CACNB2: variants seen among roughly 807,000 people sequenced by gnomAD.
The protein encoded by CACNB2 is voltage-dependent L-type calcium channel subunit beta-2.
CACNB2 carries 42 observed loss-of-function variants against 73.3 expected under a neutral mutation model. That is an observed-to-expected ratio of 0.57 (90% CI 0.45 to 0.74). The LOEUF is 0.74. Ranked by LOEUF, CACNB2 falls within the 30% of genes least tolerant of loss-of-function variation. The pLI, the probability that CACNB2 is intolerant of heterozygous loss-of-function variation, is 0.00. For synonymous variants in CACNB2, 348 were observed against 310.3 expected (o/e 1.12, Z -1.28); for missense variants, 940 against 853.0 (o/e 1.10, Z -1.27).
intron 2 of CACNB2, among the ~76,000 whole-genome samples, chr10:18,193,343 A>G (rs956738349): frequency 6.6e-6 from 1 of 151,358 alleles, no homozygotes; most frequent in Non-Finnish European, 1.5e-5. Context: ...ATTTCTCCAC[A>G]TTTTTGCCAA....
chr10:18,451,273 G>A (rs1431753772), intron 3 of CACNB2, among the ~76,000 whole-genome samples: 1 of 152,092 alleles, frequency 6.6e-6, no homozygotes, highest in Admixed American at 6.6e-5. Flanking sequence ...CAGCCATCTG[G>A]GTAGTTTAAT....
At chr10:18,435,075 C>T (rs1431124281) in intron 3 of CACNB2, among the ~76,000 whole-genome samples, 1 of 152,180 alleles carries the variant, frequency 6.6e-6, no homozygotes, top group African/African-American at 2.4e-5. Context: ...TAGATGCCTT[C>T]TGCTGATGGT....
intron 2 of CACNB2, chr10:18,261,900 C>A: frequency 1.9e-6 from 1 of 516,918 alleles, no homozygotes; most frequent in Non-Finnish European, 3.9e-6. Context: ...TTAAATTCTA[C>A]AAGGCAGGCT....
At chr10:18,505,550 A>T (rs917269409) in intron 5 of CACNB2, among the ~76,000 whole-genome samples, 6 of 152,182 alleles carry the variant, frequency 3.9e-5, no homozygotes, top group Non-Finnish European at 8.8e-5. Context: ...ACGTAAGTAA[A>T]TATTGCCCTT....
chr10:18,498,582 G>A (rs1055284287), intron 4 of CACNB2, 105 bp downstream of exon 4: 9 of 1,115,646 alleles, frequency 8.1e-6, no homozygotes, highest in East Asian at 2.4e-5. Flanking sequence ...ATTGCACATC[G>A]CTGCAGTTGT....
At chr10:18,220,204 T>C (rs1380335853) in intron 2 of CACNB2, among the ~76,000 whole-genome samples, 1,269 of 24,090 alleles carry the variant, frequency 0.053, 236 homozygotes, top group African/African-American at 0.26. Context: ...TGTGTGTGTA[T>C]ATATATATAT....
intron 3 of CACNB2, among the ~76,000 whole-genome samples, chr10:18,411,807 C>A (rs914592077): frequency 6.6e-6 from 1 of 152,192 alleles, no homozygotes; most frequent in African/African-American, 2.4e-5. Context: ...TGTGCCCAGC[C>A]TCTTTAAGCA....
intron 2 of CACNB2, among the ~76,000 whole-genome samples, chr10:18,285,993 C>T (rs1354418840): frequency 2.6e-5 from 4 of 152,130 alleles, no homozygotes; most frequent in Non-Finnish European, 5.9e-5. Flanking sequence ...CATGTGGGAA[C>T]ACAGTTTTTG....
chr10:18,342,931 G>A (rs930699528), intron 2 of CACNB2, among the ~76,000 whole-genome samples: 7 of 151,968 alleles, frequency 4.6e-5, no homozygotes, highest in African/African-American at 1.7e-4. Context: ...TGTTCTAATC[G>A]CAAGTATGAT....
intron 2 of CACNB2, among the ~76,000 whole-genome samples, chr10:18,371,239 G>A (rs1019823160): frequency 6.6e-6 from 1 of 151,726 alleles, no homozygotes; most frequent in African/African-American, 2.4e-5. Flanking sequence ...AAGTTTTAGG[G>A]TACATGTACA....
chr10:18,331,117 C>T (rs955888542), intron 2 of CACNB2, among the ~76,000 whole-genome samples: 1 of 152,114 alleles, frequency 6.6e-6, no homozygotes, highest in Admixed American at 6.5e-5. Context: ...TCCTGAGTAG[C>T]TGGGACTACA....
intron 2 of CACNB2, among the ~76,000 whole-genome samples, chr10:18,268,794 T>A (rs1774019752): frequency 6.6e-6 from 1 of 152,228 alleles, no homozygotes; most frequent in Admixed American, 6.5e-5. Flanking sequence ...AATTTAAATA[T>A]GTTATCTCCT....
intron 2 of CACNB2, among the ~76,000 whole-genome samples, chr10:18,177,604 A>G (rs2033674214): frequency 6.6e-6 from 1 of 151,960 alleles, no homozygotes; most frequent in South Asian, 2.1e-4. Flanking sequence ...AAGAAGAAGA[A>G]AGAAAGAAAG....
At chr10:18,266,598 G>T (rs1463260006) in intron 2 of CACNB2, among the ~76,000 whole-genome samples, 4 of 151,848 alleles carry the variant, frequency 2.6e-5, no homozygotes, top group African/African-American at 9.7e-5. Flanking sequence ...GTTAAAATAA[G>T]TGTGAGCGGG....
At chr10:18,390,062 A>G (rs2043397660) in intron 2 of CACNB2, among the ~76,000 whole-genome samples, 2 of 152,192 alleles carry the variant, frequency 1.3e-5, no homozygotes, top group Non-Finnish European at 2.9e-5. Flanking sequence ...TCCCTGGAGA[A>G]CACAGAAGTT....
chr10:18,328,913 T>C (rs2132000882), intron 2 of CACNB2, among the ~76,000 whole-genome samples: 1 of 151,986 alleles, frequency 6.6e-6, no homozygotes, highest in South Asian at 2.1e-4. Context: ...ATGTTGGGGG[T>C]ATATCCAGTT....
chr10:18,216,586 T>C (rs771998746), intron 2 of CACNB2, among the ~76,000 whole-genome samples: 1 of 98,776 alleles, frequency 1.0e-5, no homozygotes, highest in Admixed American at 1.2e-4. Context: ...TTAGTTTTTG[T>C]AAAACACTTG....
chr10:18,267,398 G>A (rs897814512), intron 2 of CACNB2, among the ~76,000 whole-genome samples: 1 of 152,098 alleles, frequency 6.6e-6, no homozygotes, highest in African/African-American at 2.4e-5. Flanking sequence ...TTGAGGTCGG[G>A]ATTTCAAGAC....
At chr10:18,228,269 A>G (rs79664096) in intron 2 of CACNB2, among the ~76,000 whole-genome samples, 1 of 151,966 alleles carries the variant, frequency 6.6e-6, no homozygotes, top group African/African-American at 2.4e-5. Context: ...ACTAAAAAAA[A>G]TAAATTCAAA....
Sources: allele counts gnomAD v4.1 joint callset (sites outside exome capture counted in the v4.1 genomes callset), GRCh38; gene constraint gnomAD v4.1.1; transcripts MANE v1.5; gene names NCBI Gene and HGNC (gene_info 2026-07-23, HGNC 2026-07-21).